The following SCP2 variants were observed in gnomAD, a reference collection of about 807,000 sequenced individuals.
SCP2 encodes the protein SCP-2/3-oxoacyl-CoA thiolase.
A neutral mutation model predicts 71.4 loss-of-function variants in SCP2; 48 were observed. The ratio of observed to expected loss-of-function variants is 0.67; its 90% CI spans 0.53 to 0.86. SCP2 has a LOEUF of 0.86. SCP2 is among the 40% of genes least tolerant of loss of function. The pLI, the probability that SCP2 is intolerant of heterozygous loss-of-function variation, is 0.00. For synonymous variants in SCP2, 220 were observed against 218.1 expected (o/e 1.01, Z -0.08); for missense variants, 560 against 655.6 (o/e 0.85, Z 1.59).
rs370191484 is a variant in SCP2, at chr1:53,027,968, G to C, written c.1236-1G>C. The C allele has an allele frequency of 6.4e-7, 1 of 1,558,622 alleles. No individual in the cohort carries two copies. Among genetic ancestry groups the C allele is most frequent in the Non-Finnish European group, 8.9e-7 (1 of 1,129,678 alleles). On this transcript the variant is annotated splice_acceptor_variant, in intron 12 of 15. Coordinates refer to ENST00000371514, the MANE Select transcript of SCP2 (RefSeq NM_002979.5). LOFTEE classifies it high-confidence loss of function. ...GAATTGAAACAGTTTCTTTTCCCCAGTTCTTTTAGAACTCATCAAATTGAA... is the reference window on the plus strand; with the variant it reads ...GAATTGAAACAGTTTCTTTTCCCCACTTCTTTTAGAACTCATCAAATTGAA...
intron 5 of SCP2, among the ~76,000 whole-genome samples, chr1:52,960,721 T>A (rs932089497): frequency 7.0e-6 from 1 of 142,298 alleles, no homozygotes; most frequent in African/African-American, 3.0e-5. Flanking sequence ...TATGTGCGTG[T>A]GTGTGTGTGT....
chr1:53,039,485 A>G (rs1292736512), intron 14 of SCP2, among the ~76,000 whole-genome samples: 1 of 152,200 alleles, frequency 6.6e-6, no homozygotes, highest in Non-Finnish European at 1.5e-5. Flanking sequence ...CATACTCACA[A>G]TCGCCAGTTA....
chr1:53,031,895 T>C (rs1359386575), intron 13 of SCP2, among the ~76,000 whole-genome samples: 3 of 152,222 alleles, frequency 2.0e-5, no homozygotes, highest in Non-Finnish European at 4.4e-5. Context: ...AATTTCTAAA[T>C]GTTTGCTGGT....
At position 52,976,545 on chromosome 1, in the gene SCP2, A is replaced by G. The variant is rs927838762; in HGVS notation, c.588-138A>G. ...AGGATTTTTTAAAAGGTCAATTCAG[A>G]TGACATTTATGGCTATTCATAAAAA... On this transcript the variant is annotated intron_variant, in intron 7 of 15. Coordinates refer to ENST00000371514, the MANE Select transcript of SCP2 (RefSeq NM_002979.5). 1.7e-5 allele frequency: 11 copies of G among 653,454 alleles called. No homozygotes were observed. The African/African-American group carries it at 2.0e-4, about 12-fold the overall frequency. 40.5% of individuals were successfully genotyped at this position (653,454 alleles called of 1,614,324 possible).
chr1:52,936,656 T>C (rs1273954309), intron 1 of SCP2, among the ~76,000 whole-genome samples: 1 of 152,220 alleles, frequency 6.6e-6, no homozygotes, highest in African/African-American at 2.4e-5. Context: ...GGGAAGCCTG[T>C]AGATTAAAAG....
At chr1:52,994,436 G>A (rs1213248977) in intron 11 of SCP2, 1 of 264,594 alleles carries the variant, frequency 3.8e-6, no homozygotes, top group Non-Finnish European at 5.9e-6. Context: ...GCCATTATTA[G>A]ATATTTTTGT....
intron 1 of SCP2, among the ~76,000 whole-genome samples, chr1:52,930,177 T>A (rs1007741969): frequency 1.3e-5 from 2 of 152,204 alleles, no homozygotes; most frequent in African/African-American, 4.8e-5. Flanking sequence ...TTCTAGTACT[T>A]TTATGTATGG....
intron 11 of SCP2, among the ~76,000 whole-genome samples, chr1:52,992,722 C>A (rs1372560184): frequency 2.0e-5 from 3 of 152,086 alleles, no homozygotes; most frequent in Admixed American, 6.5e-5. Flanking sequence ...TTTGTAGATT[C>A]AATTCAGTGT....
intron 11 of SCP2, among the ~76,000 whole-genome samples, chr1:53,003,366 G>A (rs184841093): frequency 3.5e-4 from 53 of 151,922 alleles, no homozygotes; most frequent in Non-Finnish European, 6.9e-4. Flanking sequence ...CTGCAGGCAC[G>A]CACCTTCATA....
chr1:52,934,111 T>C (rs1202721112), intron 1 of SCP2, among the ~76,000 whole-genome samples: 1 of 152,252 alleles, frequency 6.6e-6, no homozygotes, highest in Admixed American at 6.5e-5. Context: ...AAACACATTT[T>C]ACTTGAGAGA....
chr1:52,969,466 A>G (rs1657261968), intron 6 of SCP2, among the ~76,000 whole-genome samples: 1 of 151,976 alleles, frequency 6.6e-6, no homozygotes, highest in South Asian at 2.1e-4. Flanking sequence ...CCAAGGTCGC[A>G]CCTCTGCATT....
intron 13 of SCP2, among the ~76,000 whole-genome samples, chr1:53,031,814 T>C (rs1252244963): frequency 6.6e-6 from 1 of 152,248 alleles, no homozygotes; most frequent in Non-Finnish European, 1.5e-5. Flanking sequence ...CAGATTATTC[T>C]CTATCTATTT....
At chr1:53,010,361 A>G (rs148107602) in intron 11 of SCP2, among the ~76,000 whole-genome samples, 2,365 of 152,344 alleles carry the variant, frequency 0.016, 70 homozygotes, top group African/African-American at 0.054. Context: ...CACAATAGCA[A>G]AGACTTGGAA....
chr1:53,043,990 A>G (rs950983343), intron 14 of SCP2, among the ~76,000 whole-genome samples: 2 of 152,148 alleles, frequency 1.3e-5, no homozygotes, highest in Admixed American at 1.3e-4. Flanking sequence ...GACACATAAT[A>G]AAACCTTTTT....
chr1:52,956,430 A>G (rs939977167), intron 5 of SCP2, among the ~76,000 whole-genome samples: 1 of 152,242 alleles, frequency 6.6e-6, no homozygotes, highest in Non-Finnish European at 1.5e-5. Flanking sequence ...CCCCAAATTA[A>G]GTTAAATATA....
intron 6 of SCP2, among the ~76,000 whole-genome samples, chr1:52,965,825 T>C (rs539970178): frequency 2.6e-5 from 4 of 151,602 alleles, no homozygotes; most frequent in Non-Finnish European, 4.4e-5. Flanking sequence ...TTTTTTTTTT[T>C]ATTAGAGACC....
chr1:53,034,324 A>G (rs774557601), intron 13 of SCP2, among the ~76,000 whole-genome samples: 2 of 152,264 alleles, frequency 1.3e-5, no homozygotes, highest in Non-Finnish European at 2.9e-5. Context: ...ATGTGGATAA[A>G]CCTTGAAAAC....
At chr1:53,044,476 C>T (rs60325902) in intron 14 of SCP2, among the ~76,000 whole-genome samples, 1,629 of 152,296 alleles carry the variant, frequency 0.011, 32 homozygotes, top group African/African-American at 0.037. Context: ...TATTGATTTC[C>T]TATGTGTCAA....
chr1:52,989,681 A>G (rs1280741780), intron 11 of SCP2, among the ~76,000 whole-genome samples: 1 of 152,238 alleles, frequency 6.6e-6, no homozygotes, highest in African/African-American at 2.4e-5. Flanking sequence ...CAGTGCAAAG[A>G]GTATTTTCCC....
Sources: allele counts gnomAD v4.1 joint callset (sites outside exome capture counted in the v4.1 genomes callset), GRCh38; gene constraint gnomAD v4.1.1; transcripts MANE v1.5; gene names NCBI Gene and HGNC (gene_info 2026-07-23, HGNC 2026-07-21).